The following SEC24D variants were observed in gnomAD, a reference collection of about 807,000 sequenced individuals.
SEC24D encodes protein transport protein Sec24D.
A neutral mutation model predicts 116.9 loss-of-function variants in SEC24D; 69 were observed. The ratio of observed to expected loss-of-function variants is 0.59; its 90% confidence interval spans 0.49 to 0.72. SEC24D has a LOEUF of 0.72. SEC24D is among the 30% of genes least tolerant of loss of function. SEC24D has a pLI of 0.00. For missense variants in SEC24D, 1,131 were observed against 1,264.1 expected, an observed-to-expected ratio of 0.89 and a Z score of 1.60; for synonymous variants, 405 against 442.8, an observed-to-expected ratio of 0.91 and a Z score of 1.07.
intron 8 of SEC24D, among the ~76,000 whole-genome samples, chr4:118,787,063 T>C (rs573271559): frequency 1.3e-5 from 2 of 152,308 alleles, no homozygotes; most frequent in Non-Finnish European, 2.9e-5. Context: ...ACATGTGCTA[T>C]AAGGCTAGAA....
At chr4:118,804,335 C>T (rs115738062) in intron 7 of SEC24D, among the ~76,000 whole-genome samples, 7,430 of 151,980 alleles carry the variant, frequency 0.049, 221 homozygotes, top group Non-Finnish European at 0.064. Context: ...CAGGCTGTTG[C>T]AGAGAAAACA....
intron 13 of SEC24D, among the ~76,000 whole-genome samples, chr4:118,747,906 G>A (rs1726620830): frequency 6.6e-6 from 1 of 152,050 alleles, no homozygotes; most frequent in Admixed American, 6.6e-5. Flanking sequence ...AATATTGTTG[G>A]GAGAATTCCA....
intron 1 of SEC24D, among the ~76,000 whole-genome samples, chr4:118,834,262 A>C (rs1174377079): frequency 6.6e-6 from 1 of 152,250 alleles, no homozygotes; most frequent in Non-Finnish European, 1.5e-5. Flanking sequence ...CAACGTTGAT[A>C]ATGGGCTTAT....
At chr4:118,793,586 T>C (rs1207443357) in intron 8 of SEC24D, among the ~76,000 whole-genome samples, 1 of 151,930 alleles carries the variant, frequency 6.6e-6, no homozygotes, top group Non-Finnish European at 1.5e-5. Context: ...GCTCTCCAAG[T>C]TTAGGTCCAG....
At chr4:118,832,640 A>G (rs1184816081) in intron 2 of SEC24D, among the ~76,000 whole-genome samples, 2 of 152,244 alleles carry the variant, frequency 1.3e-5, no homozygotes. Flanking sequence ...GACAAGTCAC[A>G]TGACACCAGA....
At chr4:118,784,744 C>A (rs543413671) in intron 8 of SEC24D, among the ~76,000 whole-genome samples, 14 of 151,270 alleles carry the variant, frequency 9.3e-5, no homozygotes, top group East Asian at 5.8e-4. Context: ...TCCCTGCCCC[C>A]CCCCCCGCCA....
rs540065755 is a variant in SEC24D at position 118,744,759 on chromosome 4, C to A, written c.1824+185G>T. On this transcript the variant is annotated intron_variant, in intron 14 of 22. Coordinates refer to ENST00000280551, the MANE Select transcript of SEC24D (RefSeq NM_014822.4). Reference sequence around the variant, plus strand: ...ATTTTAATTTACATATTTCAGACATCGGTTTTTCTAGGAATATAAAATATT... The same window carrying A: ...ATTTTAATTTACATATTTCAGACATAGGTTTTTCTAGGAATATAAAATATT... 2.6e-5 allele frequency among the ~76,000 whole-genome samples: 4 copies of A among 152,282 alleles called. No individual in the cohort carries two copies. In the East Asian group the frequency reaches 7.7e-4, roughly 29 times the overall value.
intron 8 of SEC24D, among the ~76,000 whole-genome samples, chr4:118,772,516 G>T (rs1727947404): frequency 6.6e-6 from 1 of 152,128 alleles, no homozygotes. Flanking sequence ...TTTACTAATT[G>T]CCAAGAAAAA....
chr4:118,810,570 G>A (rs376258184), intron 6 of SEC24D, among the ~76,000 whole-genome samples: 6 of 152,178 alleles, frequency 3.9e-5, no homozygotes, highest in African/African-American at 1.2e-4. Flanking sequence ...CTAGAGTGGT[G>A]CTTTGCACAC....
intron 3 of SEC24D, among the ~76,000 whole-genome samples, chr4:118,819,532 A>G (rs1380042591): frequency 7.4e-6 from 1 of 134,604 alleles, no homozygotes; most frequent in Non-Finnish European, 1.5e-5. Context: ...CCCCGTCTCA[A>G]AAAAAAAAAA....
intron 17 of SEC24D, among the ~76,000 whole-genome samples, chr4:118,739,584 A>G (rs866101020): frequency 1.4e-4 from 21 of 152,320 alleles, no homozygotes; most frequent in African/African-American, 5.1e-4. Context: ...TTCATAGCTC[A>G]TGTTTTATTA....
intron 8 of SEC24D, among the ~76,000 whole-genome samples, chr4:118,772,493 A>G (rs1442928170): frequency 6.6e-6 from 1 of 152,256 alleles, no homozygotes; most frequent in African/African-American, 2.4e-5. Flanking sequence ...TAGAAACTAC[A>G]GAATGTGCCA....
At chr4:118,768,881 T>G (rs1727768404) in intron 8 of SEC24D, among the ~76,000 whole-genome samples, 1 of 152,246 alleles carries the variant, frequency 6.6e-6, no homozygotes, top group Admixed American at 6.5e-5. Context: ...TATGCATATT[T>G]GCCAATATGT....
In SEC24D at chr4:118,740,997, T is replaced by C. The variant is rs1280948441; in HGVS notation, c.2036A>G (p.Asn679Ser). 1 of 1,592,096 alleles carries C rather than the reference T, an allele frequency of 6.3e-7. No homozygotes were observed. Among genetic ancestry groups the C allele is most frequent in the Non-Finnish European group, 8.6e-7 (1 of 1,167,074 alleles). Reference sequence around the variant, plus strand: ...AAAGCCTATTTTCTTTTCAATATCATTTCTGAGGTCGTTCAAAAATTGTTG... The same window carrying C: ...AAAGCCTATTTTCTTTTCAATATCACTTCTGAGGTCGTTCAAAAATTGTTG... ...DRQQFLNDLRNDIEKKIGFDA... is the reference protein window; with the variant it reads ...DRQQFLNDLRSDIEKKIGFDA... Residue 679 changes from asparagine (N) to serine (S), a missense_variant, in exon 16 of 23, where the codon AAT (asparagine) becomes AGT (serine). Transcript: ENST00000280551.
Position 118,836,027 on chromosome 4 carries a change from T to A in SEC24D, c.-128A>T, listed in dbSNP as rs1731083671. On this transcript the variant is annotated 5_prime_UTR_variant, in exon 1 of 23. Coordinates refer to ENST00000280551, the MANE Select transcript of SEC24D (RefSeq NM_014822.4). ...CAGCCCTCGGTGGCCGGGCTCCCGC[T>A]GCGGTCGCTTCTCCCGCCGCGCCTC... The A allele has an allele frequency of 6.6e-6, 1 of 152,154 alleles. No homozygotes were observed. The highest frequency in any genetic ancestry group is 1.5e-5 in the Non-Finnish European group (1 of 68,066). The allele number at this position is 152,154 out of a possible 1,614,324, so 9.4% of individuals were successfully genotyped here.
At chr4:118,824,398 G>A (rs1009498009) in intron 3 of SEC24D, among the ~76,000 whole-genome samples, 7 of 152,030 alleles carry the variant, frequency 4.6e-5, no homozygotes, top group South Asian at 2.1e-4. Flanking sequence ...TGCCCAACTC[G>A]ACCTCTCAAA....
rs573592104 is a variant in SEC24D at position 118,786,388 on chromosome 4, C to T, written c.1041+11295G>A. 3.3e-5 allele frequency among the ~76,000 whole-genome samples: 5 copies of T among 152,208 alleles called. No individual in the cohort carries two copies. The East Asian group carries it at 9.6e-4, about 29-fold the overall frequency. Reference sequence around the variant, plus strand: ...CAATGGGAACTTGATTTCTATGAAGCTTTCCAATATAAACATTAAAATATT... The same window carrying T: ...CAATGGGAACTTGATTTCTATGAAGTTTTCCAATATAAACATTAAAATATT... On this transcript the variant is annotated intron_variant, in intron 8 of 22. Coordinates refer to ENST00000280551, the MANE Select transcript of SEC24D (RefSeq NM_014822.4).
In SEC24D at chr4:118,805,876, G is replaced by A; in HGVS notation, c.880C>T (p.Leu294=). ...TGTATCATGCAATCTGTAGTGACCAGGGGAGGGATCTGGCCTCTGGTGTTG... is the reference window on the plus strand; with the variant it reads ...TGTATCATGCAATCTGTAGTGACCAAGGGAGGGATCTGGCCTCTGGTGTTG... The part of the protein sequence containing the change: ...ATNTRGQIPP[L]VTTDCMIQDQ... The change falls in exon 7 of 23, where the codon CTG becomes TTG. Residue 294 remains leucine, a synonymous_variant. Transcript: ENST00000280551. 1 of 1,588,460 alleles carries A rather than the reference G, an allele frequency of 6.3e-7. No homozygotes were observed. Among genetic ancestry groups the A allele is most frequent in the South Asian group, 1.2e-5 (1 of 84,526 alleles).
chr4:118,723,714 G>T, intron 22 of SEC24D, 59 bp from the exon 23 acceptor site: 1 of 1,554,228 alleles, frequency 6.4e-7, no homozygotes, highest in Non-Finnish European at 8.7e-7. Context: ...TTTGAAAATG[G>T]GTCAATTTTG....
Sources: allele counts gnomAD v4.1 joint callset (sites outside exome capture counted in the v4.1 genomes callset), GRCh38; gene constraint gnomAD v4.1.1; transcripts MANE v1.5; gene names NCBI Gene and HGNC (gene_info 2026-07-23, HGNC 2026-07-21).